FOXP1: variants seen among roughly 807,000 people sequenced by gnomAD.
FOXP1 encodes forkhead box P1.
In FOXP1, 15 loss-of-function variants were observed where a neutral mutation model predicts 98.2. The ratio of observed to expected loss-of-function variants is 0.15; its 90% CI spans 0.10 to 0.24. The LOEUF is 0.24. FOXP1 is among the 10% of genes least tolerant of loss of function. The pLI is 1.00. For missense variants in FOXP1, 633 were observed against 848.5 expected (o/e 0.75, Z 3.15); for synonymous variants, 371 against 314.5 (o/e 1.18, Z -1.90).
At chr3:71,195,876 G>A (rs2321507) in intron 6 of FOXP1, among the ~76,000 whole-genome samples, 7,615 of 152,202 alleles carry the variant, frequency 0.05, 610 homozygotes, top group African/African-American at 0.17. Context: ...TCTAATTGTC[G>A]CAGTTTTCAG....
intron 14 of FOXP1, 124 bp from the exon 15 acceptor site, chr3:70,978,153 G>A: frequency 1.3e-6 from 1 of 778,154 alleles, no homozygotes; most frequent in African/African-American, 1.7e-5. Context: ...TAGATGGTAT[G>A]TTTACCATGA....
intron 3 of FOXP1, among the ~76,000 whole-genome samples, chr3:71,381,073 C>A (rs1277336514): frequency 6.6e-6 from 1 of 151,986 alleles, no homozygotes; most frequent in Non-Finnish European, 1.5e-5. Context: ...TTGACCTGGT[C>A]GTCCCTTCTT....
chr3:71,329,061 G>C (rs1306750237), intron 4 of FOXP1, among the ~76,000 whole-genome samples: 1 of 148,820 alleles, frequency 6.7e-6, no homozygotes, highest in Non-Finnish European at 1.5e-5. Flanking sequence ...CTCCACCTGT[G>C]ACTGGCTTGG....
At chr3:71,164,108 A>G (rs1288384109) in intron 6 of FOXP1, among the ~76,000 whole-genome samples, 1 of 152,228 alleles carries the variant, frequency 6.6e-6, no homozygotes, top group African/African-American at 2.4e-5. Context: ...TGAGTAGCCT[A>G]TATAATCAGA....
chr3:71,166,979 C>T (rs536809751), intron 6 of FOXP1, among the ~76,000 whole-genome samples: 17 of 151,894 alleles, frequency 1.1e-4, no homozygotes, highest in African/African-American at 3.1e-4. Flanking sequence ...TTTACTGATC[C>T]GGTTATCTTG....
In FOXP1 at chr3:70,986,594, C is replaced by T. The variant is rs1166153186; in HGVS notation, c.1146+1400G>A. On this transcript the variant is annotated intron_variant, in intron 14 of 20. Transcript: ENST00000649528. The stretch of plus-strand genomic sequence containing the variant: ...TTCGAGATGACTTCAGCCAAGTTGT[C>T]TCAGAGGCTCACCATTTTGCTTAGC... Among the ~76,000 whole-genome samples the T allele has an allele frequency of 3.9e-5, 6 of 152,320 alleles. No individual in the cohort carries two copies. In the East Asian group the frequency reaches 9.7e-4, roughly 25 times the overall value.
intron 2 of FOXP1, among the ~76,000 whole-genome samples, chr3:71,566,426 C>T (rs1031156658): frequency 3.9e-5 from 6 of 152,280 alleles, no homozygotes; most frequent in African/African-American, 4.8e-5. Context: ...AGACAGACTA[C>T]GTAAACACAT....
rs544766693 is a variant in FOXP1, at chr3:70,958,311, CTTT to C, written c.*933_*935del. The C allele has an allele frequency of 2.0e-4, 98 of 479,678 alleles. No individual in the cohort carries two copies. The highest frequency in any genetic ancestry group is 1.7e-3 in the African/African-American group (83 of 50,112). The allele number at this position is 479,678 out of a possible 1,614,324, so 29.7% of individuals were successfully genotyped here. The stretch of plus-strand genomic sequence containing the variant: ...GGCATTGTTCCTAGAGTTTGTCTCT[CTTT>C]TTTTTTTCTGTCATTCATTCTCTTT... On this transcript the variant is annotated 3_prime_UTR_variant, in exon 21 of 21. Transcript: ENST00000649528.
chr3:71,110,372 T>C (rs1017211361), intron 7 of FOXP1, among the ~76,000 whole-genome samples: 6 of 152,210 alleles, frequency 3.9e-5, no homozygotes, highest in Non-Finnish European at 2.9e-5. Context: ...TTTTATTATC[T>C]CTAACCAAAG....
At chr3:71,166,274 C>T (rs894835896) in intron 6 of FOXP1, among the ~76,000 whole-genome samples, 1 of 152,138 alleles carries the variant, frequency 6.6e-6, no homozygotes, top group African/African-American at 2.4e-5. Context: ...ATGAGAGGAA[C>T]ACAAGCAAGT....
intron 3 of FOXP1, among the ~76,000 whole-genome samples, chr3:71,383,006 T>C (rs1432804857): frequency 6.6e-6 from 1 of 152,216 alleles, no homozygotes; most frequent in Non-Finnish European, 1.5e-5. Flanking sequence ...AAGGGTGCAC[T>C]TCAAGCTTGG....
chr3:71,158,119 G>GGGAGGGAGGGAGGGAA (rs2060928408), intron 6 of FOXP1, among the ~76,000 whole-genome samples: 1 of 55,226 alleles, frequency 1.8e-5, no homozygotes, highest in Non-Finnish European at 4.6e-5. Context: ...GAGGGAGGGA[G>GGGAGGGAGGGAGGGAA]GGAGGGAGGG....
At chr3:71,316,661 T>G (rs1467353921) in intron 4 of FOXP1, among the ~76,000 whole-genome samples, 3 of 134,510 alleles carry the variant, frequency 2.2e-5, no homozygotes, top group Non-Finnish European at 3.2e-5. Flanking sequence ...GGGCATATTC[T>G]TTTTTTTTTT....
At chr3:70,962,095 C>T (rs1372642930) in intron 20 of FOXP1, among the ~76,000 whole-genome samples, 1 of 152,094 alleles carries the variant, frequency 6.6e-6, no homozygotes, top group Admixed American at 6.5e-5. Flanking sequence ...CTTATTTTTG[C>T]CAATCTGTTT....
chr3:71,429,060 G>A (rs958909325), intron 3 of FOXP1, among the ~76,000 whole-genome samples: 1 of 152,236 alleles, frequency 6.6e-6, no homozygotes, highest in Non-Finnish European at 1.5e-5. Flanking sequence ...CAGCCGGCAA[G>A]CACGAGGGGA....
intron 19 of FOXP1, chr3:70,968,460 G>GGTTTC (rs2035464147): frequency 1.3e-5 from 2 of 150,648 alleles, no homozygotes; most frequent in South Asian, 4.2e-4. Flanking sequence ...CACAGCATGT[G>GGTTTC]GTTTCATATC....
intron 6 of FOXP1, among the ~76,000 whole-genome samples, chr3:71,164,376 T>C (rs113301186): frequency 0.075 from 11,438 of 151,996 alleles, 635 homozygotes; most frequent in Admixed American, 0.14. Flanking sequence ...ATTTTTTGTA[T>C]TTTTAGTGGA....
chr3:71,184,801 G>A (rs578018420), intron 6 of FOXP1, among the ~76,000 whole-genome samples: 10 of 151,264 alleles, frequency 6.6e-5, no homozygotes, highest in African/African-American at 1.9e-4. Flanking sequence ...AATTGCAATC[G>A]CAAAATTACA....
intron 2 of FOXP1, among the ~76,000 whole-genome samples, chr3:71,565,904 G>A (rs1003537529): frequency 4.6e-5 from 7 of 152,274 alleles, no homozygotes; most frequent in Non-Finnish European, 1.0e-4. Flanking sequence ...ATTTGGGGTC[G>A]ATAAAGGAGT....
Sources: gnomAD v4.1 joint callset for allele counts (sites outside exome capture counted in the v4.1 genomes callset) on GRCh38, gnomAD v4.1.1 for gene constraint, MANE v1.5 for transcripts, NCBI Gene and HGNC (gene_info 2026-07-23, HGNC 2026-07-21) for gene names.